The following KMT5B variants were observed in gnomAD, a reference collection of about 807,000 sequenced individuals.
KMT5B encodes histone-lysine N-methyltransferase KMT5B.
KMT5B carries 10 observed loss-of-function variants against 83.2 expected under a neutral mutation model. That is an observed-to-expected ratio of 0.12 (90% CI 0.07 to 0.20). The LOEUF (loss-of-function observed/expected upper bound fraction) is 0.20, where lower values mean the gene tolerates loss of function less well. KMT5B is among the 10% of genes least tolerant of loss of function. KMT5B has a pLI of 1.00. For missense variants in KMT5B, 753 were observed against 1,067.2 expected, an observed-to-expected ratio of 0.71 and a Z score of 4.10; for synonymous variants, 349 against 388.8, an observed-to-expected ratio of 0.90 and a Z score of 1.20.
chr11:68,208,398 AG>A (rs917305356), intron 1 of KMT5B, among the ~76,000 whole-genome samples: 2 of 152,012 alleles, frequency 1.3e-5, no homozygotes, highest in Non-Finnish European at 2.9e-5. Flanking sequence ...GGTTGCAATG[AG>A]CCAAGATCGC....
chr11:68,162,560 A>G (rs1303276325), intron 10 of KMT5B, among the ~76,000 whole-genome samples: 1 of 152,122 alleles, frequency 6.6e-6, no homozygotes, highest in East Asian at 1.9e-4. Flanking sequence ...CTTCCTTGGT[A>G]CTTCTTATTT....
rs1459703859 is a variant in KMT5B, at chr11:68,155,361, T to C, written c.*2327A>G. The C allele has an allele frequency of 1.3e-5, 2 of 152,164 alleles. No homozygotes were observed. The highest frequency in any genetic ancestry group is 2.9e-5 in the Non-Finnish European group (2 of 68,034). 9.4% of individuals were successfully genotyped at this position (152,164 alleles called of 1,614,324 possible). On this transcript the variant is annotated 3_prime_UTR_variant, in exon 11 of 11. Transcript: ENST00000304363. The stretch of plus-strand genomic sequence containing the variant: ...GTGCATACCGACTCCTGAGAGGCAG[T>C]GATTTACTACCAAATGTCACTGCTT...
intron 5 of KMT5B, 64 bp downstream of exon 5, chr11:68,174,954 G>C: frequency 7.1e-7 from 1 of 1,409,558 alleles, no homozygotes; most frequent in Non-Finnish European, 9.8e-7. Context: ...TAACATTTAG[G>C]GTTTTAATTT....
intron 1 of KMT5B, among the ~76,000 whole-genome samples, chr11:68,197,163 C>T (rs751198854): frequency 3.3e-5 from 5 of 151,980 alleles, no homozygotes; most frequent in African/African-American, 7.3e-5. Context: ...TTAGTAGACA[C>T]GGGGTTTCAC....
intron 5 of KMT5B, among the ~76,000 whole-genome samples, chr11:68,174,812 G>A (rs1164901276): frequency 1.3e-5 from 2 of 152,160 alleles, no homozygotes; most frequent in Non-Finnish European, 2.9e-5. Context: ...ACAAAGTGCT[G>A]GGATTACAAG....
At chr11:68,199,569 G>A (rs1591052594) in intron 1 of KMT5B, among the ~76,000 whole-genome samples, 1 of 152,212 alleles carries the variant, frequency 6.6e-6, no homozygotes, top group East Asian at 1.9e-4. Context: ...TTTACTCCCA[G>A]TGAGAGGGAA....
chr11:68,199,363 G>A (rs915425162), intron 1 of KMT5B, among the ~76,000 whole-genome samples: 1 of 152,162 alleles, frequency 6.6e-6, no homozygotes, highest in Admixed American at 6.5e-5. Flanking sequence ...GATAGTGGCT[G>A]TTTTCTAAGA....
At chr11:68,167,927 G>A (rs200640271) in intron 9 of KMT5B, among the ~76,000 whole-genome samples, 2 of 152,076 alleles carry the variant, frequency 1.3e-5, no homozygotes, top group Non-Finnish European at 2.9e-5. Context: ...ATCCCAGCAC[G>A]TTGGGAGGCT....
At chr11:68,184,244 C>T (rs904432029) in intron 3 of KMT5B, among the ~76,000 whole-genome samples, 6 of 151,806 alleles carry the variant, frequency 4.0e-5, no homozygotes, top group African/African-American at 7.3e-5. Context: ...CAGTGGTGCA[C>T]GCCTGTAATC....
intron 1 of KMT5B, chr11:68,212,797 G>A (rs1320326368): frequency 6.6e-6 from 1 of 152,156 alleles, no homozygotes; most frequent in Admixed American, 6.5e-5. Flanking sequence ...GACGGTTCAC[G>A]GCTGCCCATT....
chr11:68,167,322 T>A, intron 9 of KMT5B, 144 bp from the exon 10 acceptor site: 1 of 895,936 alleles, frequency 1.1e-6, no homozygotes, highest in Non-Finnish European at 1.6e-6. Context: ...AGACTAGAAC[T>A]CACAAAGGAA....
At chr11:68,168,060 C>T (rs111806069) in intron 9 of KMT5B, among the ~76,000 whole-genome samples, 67 of 152,240 alleles carry the variant, frequency 4.4e-4, no homozygotes, top group African/African-American at 1.5e-3. Flanking sequence ...CCTGTAGTCC[C>T]AGCTACTCGG....
chr11:68,172,065 C>T (rs1473712527), intron 6 of KMT5B, among the ~76,000 whole-genome samples: 6 of 152,120 alleles, frequency 3.9e-5, no homozygotes, highest in Non-Finnish European at 8.8e-5. Context: ...ATGAAGCAGG[C>T]AGGGACCAGT....
At chr11:68,176,788 A>C (rs1013163828) in intron 4 of KMT5B, 3 of 152,218 alleles carry the variant, frequency 2.0e-5, no homozygotes, top group African/African-American at 7.2e-5. Flanking sequence ...GTATCAAAAA[A>C]ACAAAACAAA....
At chr11:68,169,752 A>G (rs990011966) in intron 9 of KMT5B, among the ~76,000 whole-genome samples, 2 of 152,242 alleles carry the variant, frequency 1.3e-5, no homozygotes, top group African/African-American at 4.8e-5. Flanking sequence ...TAGGCACTTA[A>G]CTGTTATACT....
intron 1 of KMT5B, among the ~76,000 whole-genome samples, chr11:68,199,877 G>A (rs1859209326): frequency 6.6e-6 from 1 of 152,168 alleles, no homozygotes; most frequent in African/African-American, 2.4e-5. Context: ...AGGAGAAAGA[G>A]GACTCAAAAA....
Position 68,156,075 on chromosome 11 carries a change from T to A in KMT5B, c.*1613A>T, listed in dbSNP as rs1384764791. The stretch of plus-strand genomic sequence containing the variant: ...GAAACTAGTAGGAATCAATTAGTAG[T>A]AACAGTAAGCATTGAGATTTTCTCC... On this transcript the variant is annotated 3_prime_UTR_variant, in exon 11 of 11. Transcript: ENST00000304363. 1 of 152,234 alleles carries A rather than the reference T, an allele frequency of 6.6e-6. No individual in the cohort carries two copies. Among genetic ancestry groups the A allele is most frequent in the East Asian group, 1.9e-4 (1 of 5,202 alleles). The allele number at this position is 152,234 out of a possible 1,614,324, so 9.4% of individuals were successfully genotyped here.
At chr11:68,196,431 A>G (rs1858720273) in intron 1 of KMT5B, among the ~76,000 whole-genome samples, 1 of 149,256 alleles carries the variant, frequency 6.7e-6, no homozygotes. Context: ...TAAGGTTGAG[A>G]ATCTATTTTT....
intron 1 of KMT5B, among the ~76,000 whole-genome samples, chr11:68,207,141 G>C (rs1267001085): frequency 6.6e-6 from 1 of 151,656 alleles, no homozygotes; most frequent in Non-Finnish European, 1.5e-5. Context: ...GTGAACCTGG[G>C]AGGCGGAGCT....
Sources: allele counts gnomAD v4.1 joint callset (sites outside exome capture counted in the v4.1 genomes callset), GRCh38; gene constraint gnomAD v4.1.1; transcripts MANE v1.5; gene names NCBI Gene and HGNC (gene_info 2026-07-23, HGNC 2026-07-21).